Variants in RERE observed in about 807,000 individuals in gnomAD.
The protein encoded by RERE is arginine-glutamic acid dipeptide repeats, also known as arginine-glutamic acid dipeptide repeats protein.
Under a neutral mutation model 146.1 loss-of-function variants are expected in RERE, and 40 were observed. That is an observed-to-expected ratio of 0.27 (90% CI 0.21 to 0.36). RERE has a LOEUF of 0.36. Among genes scored for constraint, RERE ranks in the 10% least tolerant of loss-of-function variants. RERE has a pLI of 1.00. For missense variants in RERE, 1,933 were observed against 2,138.7 expected, an observed-to-expected ratio of 0.90 and a Z score of 1.90; for synonymous variants, 1,003 against 866.0, an observed-to-expected ratio of 1.16 and a Z score of -2.78.
intron 10 of RERE, among the ~76,000 whole-genome samples, chr1:8,481,754 T>A (rs1644837018): frequency 6.6e-6 from 1 of 151,926 alleles, no homozygotes; most frequent in South Asian, 2.1e-4. Context: ...AAGCTCAGGG[T>A]GGGAAAGAAA....
At chr1:8,779,481 G>A (rs1338504571) in intron 1 of RERE, among the ~76,000 whole-genome samples, 1 of 152,018 alleles carries the variant, frequency 6.6e-6, no homozygotes, top group African/African-American at 2.4e-5. Context: ...TTAACAACAA[G>A]GTGAAACCCC....
intron 1 of RERE, among the ~76,000 whole-genome samples, chr1:8,676,403 T>C (rs1638840986): frequency 6.6e-6 from 1 of 152,088 alleles, no homozygotes; most frequent in Non-Finnish European, 1.5e-5. Context: ...ATGTAAAGAA[T>C]GATTCTGTCA....
chr1:8,659,369 C>T (rs1638404153), intron 1 of RERE, among the ~76,000 whole-genome samples: 1 of 152,192 alleles, frequency 6.6e-6, no homozygotes, highest in Admixed American at 6.5e-5. Context: ...CCATCCTGGC[C>T]AAGATGGCGA....
chr1:8,695,443 A>G (rs1188710405), intron 1 of RERE, among the ~76,000 whole-genome samples: 1 of 152,092 alleles, frequency 6.6e-6, no homozygotes, highest in African/African-American at 2.4e-5. Flanking sequence ...GAGCTTCTGC[A>G]CAGCAAAAGA....
intron 1 of RERE, among the ~76,000 whole-genome samples, chr1:8,712,786 T>A (rs11121223): frequency 0.16 from 23,893 of 151,840 alleles, 2,319 homozygotes; most frequent in Middle Eastern, 0.25. Flanking sequence ...TTTTTTTTTT[T>A]AATGAAAAAC....
chr1:8,632,045 A>G (rs1647041938), intron 2 of RERE, among the ~76,000 whole-genome samples: 1 of 152,202 alleles, frequency 6.6e-6, no homozygotes, highest in Admixed American at 6.5e-5. Flanking sequence ...CAAAAAAACT[A>G]TGCTCTGAAC....
Position 8,497,462 on chromosome 1 carries a change from A to G in RERE, c.947T>C (p.Leu316Pro). 1 of 1,614,206 alleles carries G rather than the reference A, an allele frequency of 6.2e-7. No homozygotes were observed. Among genetic ancestry groups the G allele is most frequent in the Non-Finnish European group, 8.5e-7 (1 of 1,180,010 alleles). The change falls in exon 9 of 23, where the codon CTG (leucine) becomes CCG (proline). Residue 316 changes from leucine (L) to proline (P), a missense_variant. By Grantham distance (98) the Leu-to-Pro change is moderately conservative (BLOSUM62 -3). Around this residue, in one of 11 missense-constraint regions of RERE, gnomAD observed 260 missense variants for 378.4 expected, o/e 0.69. Transcript: ENST00000400908. The stretch of plus-strand genomic sequence containing the variant: ...GTCGTTAACTCCAGGCATCCAGACC[A>G]GTTCCTCATGTTGGGTCACTGTATC... ...DGDTVTQHEELVWMPGVNDCD... is the reference protein window; with the variant it reads ...DGDTVTQHEEPVWMPGVNDCD...
chr1:8,728,774 C>T (rs1380718706), intron 1 of RERE, among the ~76,000 whole-genome samples: 1 of 152,206 alleles, frequency 6.6e-6, no homozygotes, highest in Non-Finnish European at 1.5e-5. Flanking sequence ...TAGATAAAAA[C>T]GATGGCATCC....
In RERE at chr1:8,656,186, G is replaced by C; in HGVS notation, c.112C>G (p.Arg38Gly). The C allele has an allele frequency of 6.2e-7, 1 of 1,613,284 alleles. No individual in the cohort carries two copies. The highest frequency in any genetic ancestry group is 8.5e-7 in the Non-Finnish European group (1 of 1,179,346). Reference sequence around the variant, plus strand: ...CCTCCTTCCAAGGTACAGCTCCGGCGTGGCCTTGAATTCTCACTCTCTCTT... The same window carrying C: ...CCTCCTTCCAAGGTACAGCTCCGGCCTGGCCTTGAATTCTCACTCTCTCTT... ...KARESENSRP[R>G]RSCTLEGGAK... Residue 38 changes from arginine to glycine, a missense_variant, in exon 2 of 23, where the codon CGC (arginine) becomes GGC (glycine). Physicochemically the swap from Arg to Gly is moderately radical, Grantham distance 125 (BLOSUM62 -2). Transcript: ENST00000400908.
intron 1 of RERE, among the ~76,000 whole-genome samples, chr1:8,747,523 G>A (rs1158711334): frequency 6.6e-6 from 1 of 151,862 alleles, no homozygotes; most frequent in Non-Finnish European, 1.5e-5. Flanking sequence ...TGGAAAGACA[G>A]ATAAATCAAC....
chr1:8,674,722 T>C (rs1320489353), intron 1 of RERE, among the ~76,000 whole-genome samples: 2 of 152,202 alleles, frequency 1.3e-5, no homozygotes, highest in African/African-American at 4.8e-5. Context: ...CAAGGAAAAA[T>C]ACGCATTTCA....
chr1:8,511,205 A>T (rs1645331319), intron 7 of RERE, among the ~76,000 whole-genome samples: 1 of 152,226 alleles, frequency 6.6e-6, no homozygotes, highest in Non-Finnish European at 1.5e-5. Flanking sequence ...GGATGCAGAT[A>T]ATTATTATTA....
chr1:8,474,894 T>C (rs945248586), intron 10 of RERE, among the ~76,000 whole-genome samples: 6 of 152,222 alleles, frequency 3.9e-5, no homozygotes, highest in Admixed American at 2.6e-4. Flanking sequence ...AAGAACAATA[T>C]TAGATATCAA....
At chr1:8,729,809 G>GA (rs1233426530) in intron 1 of RERE, among the ~76,000 whole-genome samples, 1 of 152,120 alleles carries the variant, frequency 6.6e-6, no homozygotes, top group Non-Finnish European at 1.5e-5. Context: ...GAAATTATGG[G>GA]AACTCATGGG....
chr1:8,696,945 TC>T (rs560957237), intron 1 of RERE, among the ~76,000 whole-genome samples: 99 of 138,140 alleles, frequency 7.2e-4, no homozygotes, highest in African/African-American at 2.6e-3. Flanking sequence ...GTTGAAATTA[TC>T]AAAAAAAAAA....
intron 11 of RERE, among the ~76,000 whole-genome samples, chr1:8,464,384 A>G (rs149381344): frequency 2.6e-3 from 402 of 152,184 alleles, no homozygotes; most frequent in Non-Finnish European, 4.7e-3. Flanking sequence ...GCTGCTTCTT[A>G]TCACGACCAC....
At chr1:8,723,095 C>T (rs1207555961) in intron 1 of RERE, among the ~76,000 whole-genome samples, 1 of 152,196 alleles carries the variant, frequency 6.6e-6, no homozygotes, top group African/African-American at 2.4e-5. Context: ...TGCTGAGTCT[C>T]TCTTAACACA....
intron 10 of RERE, among the ~76,000 whole-genome samples, chr1:8,490,928 A>T (rs1644971957): frequency 6.6e-6 from 1 of 150,422 alleles, no homozygotes; most frequent in Non-Finnish European, 1.5e-5. Context: ...AAACCCTCAA[A>T]TTTTTTACTT....
At chr1:8,579,724 C>T (rs1191179508) in intron 4 of RERE, among the ~76,000 whole-genome samples, 2 of 152,232 alleles carry the variant, frequency 1.3e-5, no homozygotes, top group Admixed American at 6.5e-5. Flanking sequence ...CTGCCTAAGG[C>T]GGGGCACAGT....
Sources: gnomAD v4.1 joint callset for allele counts (sites outside exome capture counted in the v4.1 genomes callset) on GRCh38, gnomAD v4.1.1 for gene constraint, gnomAD v4.1.1 regional missense constraint, MANE v1.5 for transcripts, NCBI Gene and HGNC (gene_info 2026-07-23, HGNC 2026-07-21) for gene names.